TLL2: variants seen among roughly 807,000 people sequenced by gnomAD.
TLL2 encodes the protein tolloid-like protein 2.
A neutral mutation model predicts 123.0 loss-of-function variants in TLL2; 106 were observed. The ratio of observed to expected loss-of-function variants is 0.86; its 90% CI spans 0.74 to 1.01. TLL2 has a LOEUF of 1.01. TLL2 is among the 50% of genes least tolerant of loss of function. The pLI, the probability that TLL2 is intolerant of heterozygous loss-of-function variation, is 0.00. For synonymous variants in TLL2, 494 were observed against 516.8 expected (o/e 0.96, Z 0.60); for missense variants, 1,332 against 1,336.7 (o/e 1.00, Z 0.06).
rs143239120 is a variant in TLL2, at chr10:96,378,588, A to G, written c.2320+379T>C. Among the ~76,000 whole-genome samples, 341 of 152,360 alleles carry G rather than the reference A, an allele frequency of 2.2e-3. 1 individual carries two copies. Among genetic ancestry groups the G allele is most frequent in the African/African-American group, 7.7e-3 (319 of 41,580 alleles). ...TAGGCATTCTTTTAATCCTCACAAAAACTTTAAGAAGGAGGTATGTTTAGA... is the reference window on the plus strand; with the variant it reads ...TAGGCATTCTTTTAATCCTCACAAAGACTTTAAGAAGGAGGTATGTTTAGA... On this transcript the variant is annotated intron_variant, in intron 17 of 20. Transcript: ENST00000357947.
chr10:96,470,011 C>A (rs1262080352), intron 2 of TLL2, among the ~76,000 whole-genome samples: 3 of 152,022 alleles, frequency 2.0e-5, no homozygotes, highest in Non-Finnish European at 2.9e-5. Context: ...CAGCTGGACA[C>A]CCCCAAAGGT....
chr10:96,480,524 G>GC, intron 1 of TLL2, 65 bp from the exon 2 acceptor site: 3 of 1,268,560 alleles, frequency 2.4e-6, no homozygotes, highest in Non-Finnish European at 3.5e-6. Flanking sequence ...ATTCACTAAT[G>GC]CCCCAAAGGG....
intron 20 of TLL2, among the ~76,000 whole-genome samples, chr10:96,369,326 A>C (rs1235244270): frequency 6.6e-6 from 1 of 152,244 alleles, no homozygotes; most frequent in East Asian, 1.9e-4. Flanking sequence ...ATTGATAATG[A>C]CCTTGAGCAC....
chr10:96,433,067 G>A (rs1426527780), intron 3 of TLL2, 105 bp from the exon 4 acceptor site: 143 of 1,441,468 alleles, frequency 9.9e-5, no homozygotes, highest in Non-Finnish European at 8.3e-5. Flanking sequence ...GTTAAAACAT[G>A]TTCCAAAGGG....
At chr10:96,485,796 T>G (rs547663210) in intron 1 of TLL2, among the ~76,000 whole-genome samples, 1 of 152,330 alleles carries the variant, frequency 6.6e-6, no homozygotes, top group East Asian at 1.9e-4. Flanking sequence ...TCAAAGATGG[T>G]TTCCGGCTGC....
intron 10 of TLL2, among the ~76,000 whole-genome samples, chr10:96,399,406 T>C (rs536715281): frequency 6.6e-6 from 1 of 152,312 alleles, no homozygotes; most frequent in South Asian, 2.1e-4. Flanking sequence ...TAAAGGCCAC[T>C]GTAGGCATCT....
intron 1 of TLL2, among the ~76,000 whole-genome samples, chr10:96,481,576 G>A (rs952404522): frequency 4.6e-5 from 7 of 152,194 alleles, no homozygotes; most frequent in African/African-American, 1.7e-4. Context: ...GAGGCTGAAA[G>A]GAAGTCATCT....
At chr10:96,414,967 T>A (rs920159638) in intron 7 of TLL2, among the ~76,000 whole-genome samples, 3 of 152,158 alleles carry the variant, frequency 2.0e-5, no homozygotes, top group African/African-American at 7.2e-5. Flanking sequence ...CTCTTTCCAG[T>A]AGCTTCTTAA....
intron 2 of TLL2, among the ~76,000 whole-genome samples, chr10:96,473,837 C>T (rs953162060): frequency 6.6e-6 from 1 of 152,102 alleles, no homozygotes; most frequent in Non-Finnish European, 1.5e-5. Context: ...GGGGAACAAA[C>T]AAACAAACAG....
intron 2 of TLL2, among the ~76,000 whole-genome samples, chr10:96,450,638 C>CA (rs1846948852): frequency 6.6e-6 from 1 of 152,190 alleles, no homozygotes; most frequent in Non-Finnish European, 1.5e-5. Context: ...AGCCATGTCT[C>CA]ACATCGAAAT....
In TLL2 at chr10:96,397,212, C is replaced by G; in HGVS notation, c.1358G>C (p.Gly453Ala). 1.2e-6 allele frequency: 2 copies of G among 1,613,832 alleles called. No individual in the cohort carries two copies. Among genetic ancestry groups the G allele is most frequent in the Non-Finnish European group, 1.7e-6 (2 of 1,179,860 alleles). The change falls in exon 11 of 21, where the codon GGC becomes GCC. Residue 453 changes from glycine to alanine, a missense_variant. Physicochemically the swap from Gly to Ala is moderately conservative, Grantham distance 60. Coordinates refer to ENST00000357947, the MANE Select transcript of TLL2 (RefSeq NM_012465.4). ...VEFRSSSNIL[G>A]KGFFAAYEAT... ...TTCGTACGCTGCAAAGAAGCCCTTG[C>G]CCAAGATGTTGCTGCTGCTGCGGAA...
At chr10:96,396,677 TG>T (rs1846345184) in intron 11 of TLL2, among the ~76,000 whole-genome samples, 2 of 149,436 alleles carry the variant, frequency 1.3e-5, no homozygotes, top group African/African-American at 5.0e-5. Context: ...CATCACCTGG[TG>T]GCAGCTGCCT....
intron 1 of TLL2, among the ~76,000 whole-genome samples, chr10:96,494,782 G>A (rs903757669): frequency 6.6e-6 from 1 of 152,212 alleles, no homozygotes; most frequent in Admixed American, 6.5e-5. Flanking sequence ...AGCTGAACCA[G>A]CTCAGTGTTT....
rs747449625 is a variant in TLL2 at position 96,370,115 on chromosome 10, C to G, written c.2863G>C (p.Asp955His). ...DCGYDYMEAYDGYDSSAPRLG... is the reference protein window; with the variant it reads ...DCGYDYMEAYHGYDSSAPRLG... ...CTGGGCGCTGAGCTGTCGTAGCCGT[C>G]GTAGGCTTCCATGTAGTCGTAGCCG... is the stretch of plus-strand genomic sequence containing the variant. Residue 955 changes from aspartate (D) to histidine (H), a missense_variant, in exon 20 of 21, where the codon GAC (aspartate) becomes CAC (histidine). Physicochemically the swap from Asp to His is moderately conservative, Grantham distance 81. Coordinates refer to ENST00000357947, the MANE Select transcript of TLL2 (RefSeq NM_012465.4). 1.4e-5 allele frequency: 23 copies of G among 1,613,176 alleles called. No homozygotes were observed. In the African/African-American group the frequency reaches 2.5e-4, roughly 18 times the overall value.
rs746988385 is a variant in TLL2, at chr10:96,384,647, C to G, written c.2134G>C (p.Val712Leu). Reference protein sequence around the residue: ...VITSQSNNMRVEFKSDNTVSK... With the variant: ...VITSQSNNMRLEFKSDNTVSK... ...ACGGTGTTGTCGGACTTGAACTCCA[C>G]GCGCATGTTGTTGCTCTGCGAGGTG... Residue 712 changes from valine (V) to leucine (L), a missense_variant, in exon 16 of 21, where the codon GTG (valine) becomes CTG (leucine). Physicochemically the swap from Val to Leu is conservative, Grantham distance 32 (BLOSUM62 1). Transcript: ENST00000357947. 3.1e-6 allele frequency: 5 copies of G among 1,612,400 alleles called. No homozygotes were observed. The highest frequency in any genetic ancestry group is 1.3e-5 in the African/African-American group (1 of 75,014).
At chr10:96,475,681 C>A (rs1041499733) in intron 2 of TLL2, among the ~76,000 whole-genome samples, 1 of 152,158 alleles carries the variant, frequency 6.6e-6, no homozygotes. Flanking sequence ...CCCTTCCCCC[C>A]ATGTCTCCCT....
chr10:96,442,189 C>T (rs532055883), intron 3 of TLL2, among the ~76,000 whole-genome samples: 53 of 152,274 alleles, frequency 3.5e-4, no homozygotes, highest in Non-Finnish European at 6.8e-4. Flanking sequence ...CTTTCCCCCT[C>T]CCCAAAGCTG....
At chr10:96,470,054 C>T (rs887669838) in intron 2 of TLL2, among the ~76,000 whole-genome samples, 9 of 152,132 alleles carry the variant, frequency 5.9e-5, no homozygotes, top group Middle Eastern at 3.2e-3. Flanking sequence ...CCACAGAGAC[C>T]CCAGCAAGCT....
In TLL2 at chr10:96,378,973, T is replaced by C; in HGVS notation, c.2314A>G (p.Lys772Glu). Residue 772 changes from lysine (K) to glutamate (E), a missense_variant, in exon 17 of 21, where the codon AAA (lysine) becomes GAA (glutamate). Coordinates refer to ENST00000357947, the MANE Select transcript of TLL2 (RefSeq NM_012465.4). ...YWLHENGHDC[K>E]EAGCAHKISS... is the part of the protein sequence containing the mutation. ...ACTGGAGGTCCAGCCTCACCCTCTT[T>C]GCAGTCATGCCCATTCTCGTGGAGC... 6.2e-7 allele frequency: 1 copy of C among 1,614,114 alleles called. No homozygotes were observed. The highest frequency in any genetic ancestry group is 8.5e-7 in the Non-Finnish European group (1 of 1,179,966).
Sources: gnomAD v4.1 joint callset for allele counts (sites outside exome capture counted in the v4.1 genomes callset) on GRCh38, gnomAD v4.1.1 for gene constraint, MANE v1.5 for transcripts, NCBI Gene and HGNC (gene_info 2026-07-23, HGNC 2026-07-21) for gene names.